The following AOX1 variants were observed in gnomAD, a reference collection of about 807,000 sequenced individuals.
AOX1 encodes the protein aldehyde oxidase.
In AOX1, 153 loss-of-function variants were observed where a neutral mutation model predicts 169.5. That is an observed-to-expected ratio of 0.90 (90% CI 0.79 to 1.03). The LOEUF is 1.03. Ranked by LOEUF, AOX1 falls within the 50% of genes least tolerant of loss-of-function variation. The pLI is 0.00. For missense variants in AOX1, 1,656 were observed against 1,663.9 expected, an observed-to-expected ratio of 1.00 and a Z score of 0.08; for synonymous variants, 562 against 581.9, an observed-to-expected ratio of 0.97 and a Z score of 0.49.
Position 200,638,114 on chromosome 2 carries a change from G to C in AOX1, c.2481-101G>C, listed in dbSNP as rs139261253. On this transcript the variant is annotated intron_variant, in intron 22 of 34. Transcript: ENST00000374700. ...CGAAATAGTTGTGTTGTTCTGTGAG[G>C]CGTGTAGGCTCCACTCAGGCTCTTG... The C allele has an allele frequency of 8.7e-4, 827 of 956,054 alleles. 2 individuals carry two copies. The highest frequency in any genetic ancestry group is 6.4e-3 in the Middle Eastern group (21 of 3,262). The allele number at this position is 956,054 out of a possible 1,614,324, so 59.2% of individuals were successfully genotyped here.
intron 24 of AOX1, among the ~76,000 whole-genome samples, chr2:200,642,193 C>T (rs1238243128): frequency 6.6e-6 from 1 of 152,086 alleles, no homozygotes. Flanking sequence ...TGCCAGACGT[C>T]CCCAGGAGCA....
chr2:200,602,250 A>G (rs943413767), intron 5 of AOX1, 34 bp from the exon 6 acceptor site: 1 of 1,602,760 alleles, frequency 6.2e-7, no homozygotes, highest in Non-Finnish European at 8.5e-7. Flanking sequence ...TATCTGGGTC[A>G]CTTGGCTAAC....
chr2:200,614,751 T>C (rs957119752), intron 15 of AOX1, among the ~76,000 whole-genome samples: 3 of 152,174 alleles, frequency 2.0e-5, no homozygotes, highest in Admixed American at 2.0e-4. Flanking sequence ...AAGTCCTCTC[T>C]TATCCTTGCT....
At chr2:200,659,351 G>T in intron 28 of AOX1, 58 bp downstream of exon 28, 1 of 1,565,918 alleles carries the variant, frequency 6.4e-7, no homozygotes. Context: ...AAATACGTGG[G>T]TGGGTGGAGC....
At chr2:200,617,481 C>CAAAAAAA (rs35035526) in intron 16 of AOX1, among the ~76,000 whole-genome samples, 29 of 58,134 alleles carry the variant, frequency 5.0e-4, no homozygotes, top group Non-Finnish European at 5.8e-4. Flanking sequence ...CAACTAACTG[C>CAAAAAAA]AAAAAAAAAA....
intron 26 of AOX1, among the ~76,000 whole-genome samples, chr2:200,654,718 G>A (rs1448386538): frequency 1.3e-5 from 2 of 152,220 alleles, no homozygotes; most frequent in African/African-American, 2.4e-5. Context: ...GATACCAGTA[G>A]TATTTGTTTG....
intron 23 of AOX1, among the ~76,000 whole-genome samples, chr2:200,639,631 C>T (rs979322689): frequency 6.6e-6 from 1 of 151,802 alleles, no homozygotes; most frequent in African/African-American, 2.4e-5. Context: ...TTTAATAAGA[C>T]ATATATGAAG....
In AOX1 at chr2:200,650,977, CGAATCATAAA is replaced by C. The variant is rs1416945659; in HGVS notation, c.2852_2861del (p.Arg951ProfsTer20). 1 of 1,613,690 alleles carries C rather than the reference CGAATCATAAA, an allele frequency of 6.2e-7. No individual in the cohort carries two copies. The highest frequency in any genetic ancestry group is 1.7e-5 in the Admixed American group (1 of 59,988). ...TTAATCTCCTTTTCTTTCATAGGTGCGAATCATAAACATGTACAAGGAAATTGATCAAACA... is the reference window on the plus strand; with the variant it reads ...TTAATCTCCTTTTCTTTCATAGGTGCCATGTACAAGGAAATTGATCAAACA... On this transcript the variant is annotated frameshift_variant, in exon 26 of 35. Coordinates refer to ENST00000374700, the MANE Select transcript of AOX1 (RefSeq NM_001159.4). LOFTEE classifies it high-confidence loss of function.
chr2:200,674,382 A>G (rs1319420551), downstream of AOX1, among the ~76,000 whole-genome samples: 2 of 149,710 alleles, frequency 1.3e-5, no homozygotes, highest in Admixed American at 1.3e-4. Context: ...ACCCAAGGTT[A>G]GGATATATAT....
intron 21 of AOX1, among the ~76,000 whole-genome samples, chr2:200,636,130 T>TTTC (rs1297883614): frequency 1.5e-5 from 2 of 133,766 alleles, no homozygotes; most frequent in Non-Finnish European, 3.2e-5. Flanking sequence ...TTTTTTTTTT[T>TTTC]TTTTTTTTTT....
At chr2:200,659,812 ACACACACACACACGTG>A (rs374837060) in intron 28 of AOX1, among the ~76,000 whole-genome samples, 167 bp from the exon 29 acceptor site, 1,779 of 150,976 alleles carry the variant, frequency 0.012, 30 homozygotes, top group African/African-American at 0.041. Flanking sequence ...ACACACACAC[ACACACACACACACGTG>A]CACACACTCA....
intron 32 of AOX1, among the ~76,000 whole-genome samples, chr2:200,668,031 A>G (rs1195483292): frequency 6.6e-6 from 1 of 152,134 alleles, no homozygotes; most frequent in Non-Finnish European, 1.5e-5. Context: ...ACTCATTTCA[A>G]TGGCCAAACC....
chr2:200,608,185 A>T (rs193273828), intron 10 of AOX1, among the ~76,000 whole-genome samples: 4 of 152,302 alleles, frequency 2.6e-5, no homozygotes, highest in Middle Eastern at 3.4e-3. Context: ...GAATGATAAC[A>T]TTCTGGAGGA....
chr2:200,663,076 G>A, intron 31 of AOX1, 107 bp downstream of exon 31: 1 of 797,284 alleles, frequency 1.3e-6, no homozygotes, highest in Non-Finnish European at 2.1e-6. Context: ...TCGTGCATTT[G>A]GCCTAAGGGT....
intron 21 of AOX1, 69 bp from the exon 22 acceptor site, chr2:200,636,842 A>G (rs1574941762): frequency 1.9e-6 from 3 of 1,541,558 alleles, no homozygotes; most frequent in African/African-American, 1.4e-5. Context: ...CATAGATGTG[A>G]CAATGACAGT....
At chr2:200,659,413 C>T (rs776599154) in intron 28 of AOX1, 120 bp downstream of exon 28, 22 of 1,147,682 alleles carry the variant, frequency 1.9e-5, no homozygotes, top group Non-Finnish European at 2.5e-5. Flanking sequence ...CCATCTTGCC[C>T]TCAGTCAGTG....
rs897435680 is a variant in AOX1, at chr2:200,657,540, C to A, written c.3171+603C>A. ...AATTATATGCTTATTTGCTGCTTTC[C>A]TTTGGATATAGTGACAGTTGAGTTG... On this transcript the variant is annotated intron_variant, in intron 27 of 34. Coordinates refer to ENST00000374700, the MANE Select transcript of AOX1 (RefSeq NM_001159.4). Among the ~76,000 whole-genome samples, 3 of 151,952 alleles carry A rather than the reference C, an allele frequency of 2.0e-5. No individual in the cohort carries two copies. The South Asian group carries it at 6.2e-4, about 31-fold the overall frequency.
chr2:200,605,558 C>T lies in AOX1; in HGVS notation c.837C>T (p.Gly279=), dbSNP rs945339648. ...TSVGPEVKFK[G]VFHPVIISPD... ...TAGGGCCTGAAGTGAAATTTAAAGG[C>T]GTCTTTCACCCAGTTATAATTTCTC... Residue 279 remains glycine (G), a synonymous_variant, in exon 10 of 35, where the codon GGC becomes GGT. Transcript: ENST00000374700. The T allele has an allele frequency of 9.7e-6, 15 of 1,541,146 alleles. No individual in the cohort carries two copies. The highest frequency in any genetic ancestry group is 3.9e-5 in the South Asian group (3 of 77,188).
intron 20 of AOX1, among the ~76,000 whole-genome samples, chr2:200,628,025 A>C (rs2035041786): frequency 6.6e-6 from 1 of 151,232 alleles, no homozygotes; most frequent in African/African-American, 2.4e-5. Flanking sequence ...TATGTATGTA[A>C]TTAAAATTAA....
Sources: gnomAD v4.1 joint callset for allele counts (sites outside exome capture counted in the v4.1 genomes callset) on GRCh38, gnomAD v4.1.1 for gene constraint, MANE v1.5 for transcripts, NCBI Gene and HGNC (gene_info 2026-07-23, HGNC 2026-07-21) for gene names.